MAGI2: variants seen among roughly 807,000 people sequenced by gnomAD.
MAGI2 encodes membrane-associated guanylate kinase, WW and PDZ domain-containing protein 2.
Under a neutral mutation model 133.3 loss-of-function variants are expected in MAGI2, and 35 were observed. The observed-to-expected ratio is 0.26, with a 90% CI of 0.20 to 0.35. The LOEUF (loss-of-function observed/expected upper bound fraction) is 0.35, where lower values mean the gene tolerates loss of function less well. Among genes scored for constraint, MAGI2 ranks in the 10% least tolerant of loss-of-function variants. The pLI, the probability that MAGI2 is intolerant of heterozygous loss-of-function variation, is 1.00. For synonymous variants in MAGI2, 729 were observed against 710.6 expected (o/e 1.03, Z -0.41); for missense variants, 1,636 against 1,863.4 (o/e 0.88, Z 2.25).
Position 79,137,450 on chromosome 7 carries a change from G to GTTTT in MAGI2, c.302-130248_302-130245dup, listed in dbSNP as rs376997399. 6.6e-3 allele frequency among the ~76,000 whole-genome samples: 873 copies of GTTTT among 133,236 alleles called. 28 individuals carry two copies. The highest frequency in any genetic ancestry group is 0.02 in the East Asian group (90 of 4,450). The allele number at this position is 133,236 out of a possible 152,430, so 87.4% of individuals were successfully genotyped here. On this transcript the variant is annotated intron_variant, in intron 1 of 21. Transcript: ENST00000354212. ...CTTCTTCCACTTCTGGGTGTTTTTTGTTTTTTTTTTTTTTTGAGACAAAGT... is the reference window on the plus strand; with the variant it reads ...CTTCTTCCACTTCTGGGTGTTTTTTGTTTTTTTTTTTTTTTTTTTGAGACAAAGT...
At chr7:78,799,629 G>A (rs944095441) in intron 2 of MAGI2, among the ~76,000 whole-genome samples, 4 of 152,056 alleles carry the variant, frequency 2.6e-5, no homozygotes, top group Admixed American at 2.6e-4. Flanking sequence ...ATAATTTGAG[G>A]AAATAAGTTT....
At chr7:79,166,968 T>C in intron 1 of MAGI2, among the ~76,000 whole-genome samples, 1 of 151,932 alleles carries the variant, frequency 6.6e-6, no homozygotes, top group Non-Finnish European at 1.5e-5. Flanking sequence ...AATCTCAGAG[T>C]CCTCATAATT....
intron 1 of MAGI2, among the ~76,000 whole-genome samples, chr7:79,443,343 C>T (rs899658644): frequency 1.4e-5 from 2 of 148,092 alleles, no homozygotes; most frequent in African/African-American, 5.0e-5. Flanking sequence ...AGATGCAGAA[C>T]AAATTTGTTG....
intron 2 of MAGI2, among the ~76,000 whole-genome samples, chr7:78,892,291 A>G (rs1796832037): frequency 6.6e-6 from 1 of 152,190 alleles, no homozygotes; most frequent in Non-Finnish European, 1.5e-5. Context: ...TATCATGAAA[A>G]TGGCCATACT....
intron 2 of MAGI2, among the ~76,000 whole-genome samples, chr7:78,987,351 G>A (rs999069259): frequency 6.6e-6 from 1 of 152,012 alleles, no homozygotes; most frequent in Non-Finnish European, 1.5e-5. Flanking sequence ...TTAATTTAAC[G>A]ACATTAATGC....
intron 2 of MAGI2, among the ~76,000 whole-genome samples, chr7:78,809,238 A>C (rs1017148978): frequency 1.3e-5 from 2 of 152,210 alleles, no homozygotes; most frequent in Admixed American, 1.3e-4. Context: ...CCACAAATGA[A>C]GTGCCACTGG....
At chr7:79,314,359 T>G (rs1838540267) in intron 1 of MAGI2, among the ~76,000 whole-genome samples, 1 of 152,306 alleles carries the variant, frequency 6.6e-6, no homozygotes, top group South Asian at 2.1e-4. Flanking sequence ...TCCACCTGCC[T>G]TGGCCTCCCA....
intron 6 of MAGI2, among the ~76,000 whole-genome samples, chr7:78,429,415 G>A (rs111228625): frequency 3.9e-5 from 6 of 152,214 alleles, no homozygotes; most frequent in African/African-American, 1.4e-4. Flanking sequence ...GGTTTCAGAA[G>A]AGGGTAGGGG....
intron 2 of MAGI2, among the ~76,000 whole-genome samples, chr7:78,924,265 G>C (rs190344996): frequency 0.016 from 2,472 of 152,094 alleles, 75 homozygotes; most frequent in African/African-American, 0.057. Flanking sequence ...GCAACCCTGT[G>C]TTGTGCCAGT....
intron 9 of MAGI2, among the ~76,000 whole-genome samples, chr7:78,258,728 T>C (rs527394238): frequency 2.0e-5 from 3 of 152,350 alleles, no homozygotes; most frequent in African/African-American, 7.2e-5. Flanking sequence ...TCTTAAAATA[T>C]GTTTGTGATA....
intron 10 of MAGI2, among the ~76,000 whole-genome samples, chr7:78,223,600 T>C (rs1789049211): frequency 6.6e-6 from 1 of 152,146 alleles, no homozygotes; most frequent in Admixed American, 6.6e-5. Flanking sequence ...AATATTAATA[T>C]ACTAAATAAT....
chr7:78,557,080 CAAAAA>C (rs796371005), intron 3 of MAGI2, among the ~76,000 whole-genome samples: 10 of 40,916 alleles, frequency 2.4e-4, no homozygotes, highest in Middle Eastern at 0.015. Context: ...GGCAGAGTCT[CAAAAA>C]AAAAAAAAAA....
chr7:78,436,542 GAACA>G (rs1311097631), intron 6 of MAGI2, among the ~76,000 whole-genome samples: 2 of 152,128 alleles, frequency 1.3e-5, no homozygotes, highest in Non-Finnish European at 2.9e-5. Flanking sequence ...TCATTGCTAA[GAACA>G]AATAAATTTT....
At chr7:78,907,242 T>A (rs764227887) in intron 2 of MAGI2, among the ~76,000 whole-genome samples, 2 of 152,098 alleles carry the variant, frequency 1.3e-5, no homozygotes, top group Non-Finnish European at 2.9e-5. Context: ...GTGCAAGGGG[T>A]CCCTTTGTTA....
At chr7:78,859,723 T>A (rs993924814) in intron 2 of MAGI2, among the ~76,000 whole-genome samples, 7 of 152,106 alleles carry the variant, frequency 4.6e-5, no homozygotes, top group Non-Finnish European at 7.3e-5. Flanking sequence ...TGTCTTGGAG[T>A]TGATCTTCTT....
intron 7 of MAGI2, among the ~76,000 whole-genome samples, chr7:78,346,291 A>G (rs1451004680): frequency 2.6e-5 from 4 of 152,230 alleles, no homozygotes; most frequent in Non-Finnish European, 5.9e-5. Context: ...AATTCAGCCA[A>G]AAGAACTAGA....
chr7:78,703,534 C>T (rs1818289123), intron 2 of MAGI2, among the ~76,000 whole-genome samples: 1 of 151,986 alleles, frequency 6.6e-6, no homozygotes, highest in African/African-American at 2.4e-5. Flanking sequence ...ATAACTCTGA[C>T]TGTAAAGATA....
At chr7:78,856,217 T>C (rs1793622335) in intron 2 of MAGI2, among the ~76,000 whole-genome samples, 1 of 152,222 alleles carries the variant, frequency 6.6e-6, no homozygotes, top group Admixed American at 6.5e-5. Context: ...TTCACTCTGA[T>C]GGTACTTTCT....
intron 10 of MAGI2, among the ~76,000 whole-genome samples, chr7:78,210,062 T>C (rs1787618123): frequency 6.6e-6 from 1 of 152,218 alleles, no homozygotes; most frequent in Non-Finnish European, 1.5e-5. Flanking sequence ...TTTTTCATTG[T>C]ATCCTGCATT....
Sources: gnomAD v4.1 joint callset for allele counts (sites outside exome capture counted in the v4.1 genomes callset) on GRCh38, gnomAD v4.1.1 for gene constraint, MANE v1.5 for transcripts, NCBI Gene and HGNC (gene_info 2026-07-23, HGNC 2026-07-21) for gene names.